The following AIFM3 variants were observed in gnomAD, a reference collection of about 807,000 sequenced individuals.
The protein encoded by AIFM3 is AIF family member 3.
In AIFM3, 71 loss-of-function variants were observed where a neutral mutation model predicts 82.7. The observed-to-expected ratio is 0.86, with a 90% CI of 0.71 to 1.05. The LOEUF is 1.05. AIFM3 is among the 50% of genes least tolerant of loss of function. The pLI is 0.00. For synonymous variants in AIFM3, 337 were observed against 329.1 expected (o/e 1.02, Z -0.26); for missense variants, 748 against 816.7 (o/e 0.92, Z 1.03).
intron 13 of AIFM3, 44 bp from the exon 14 acceptor site, chr22:20,976,988 G>T (rs1160424311): frequency 1.2e-6 from 2 of 1,614,158 alleles, no homozygotes; most frequent in East Asian, 4.5e-5. Context: ...TGTCCCCTGA[G>T]CCTGGGAGCT....
At chr22:20,965,876 A>G (rs1456716111), upstream of AIFM3, among the ~76,000 whole-genome samples, 1 of 152,114 alleles carries the variant, frequency 6.6e-6, no homozygotes, top group Non-Finnish European at 1.5e-5. Flanking sequence ...TGGGACAGAC[A>G]CAGACTCCTG....
At chr22:20,975,868 T>C (rs2147944414) in intron 9 of AIFM3, 90 bp downstream of exon 9, 8 of 1,427,058 alleles carry the variant, frequency 5.6e-6, no homozygotes, top group Non-Finnish European at 6.8e-6. Context: ...CTTGGTGCTC[T>C]ACCTTCCTGG....
intron 8 of AIFM3, 131 bp from the exon 9 acceptor site, chr22:20,975,561 C>T (rs779592757): frequency 7.8e-5 from 63 of 810,794 alleles, no homozygotes; most frequent in Admixed American, 1.2e-4. Flanking sequence ...TGAGTCACTG[C>T]GCCTGGCCAG....
Position 20,976,681 on chromosome 22 carries a change from A to C in AIFM3, c.1061A>C (p.Lys354Thr). Residue 354 changes from lysine to threonine, a missense_variant, in exon 12 of 21, where the codon AAG becomes ACG. Transcript: ENST00000440238. ...GAGGTGGCCGCTTACCTGACGGAGA[A>C]GGCCCACTCTGTGTCTGTGGTGGAG... is the stretch of plus-strand genomic sequence containing the variant. ...GMEVAAYLTE[K>T]AHSVSVVELE... 6.2e-7 allele frequency: 1 copy of C among 1,610,062 alleles called. No individual in the cohort carries two copies.
Position 20,980,982 on chromosome 22 carries a change from A to G in AIFM3, c.1779-10A>G, listed in dbSNP as rs765340577. 1 of 1,613,042 alleles carries G rather than the reference A, an allele frequency of 6.2e-7. No individual in the cohort carries two copies. The highest frequency in any genetic ancestry group is 8.5e-7 in the Non-Finnish European group (1 of 1,179,750). On this transcript the variant is annotated splice_polypyrimidine_tract_variant and intron_variant, in intron 20 of 20. Coordinates refer to ENST00000440238, the MANE Select transcript of AIFM3 (RefSeq NM_001386814.1). ...TTCTGTCTTGACCCCTCCTCCCCTC[A>G]CTCCTGCAGGACTGGCGACATGTCC...
intron 2 of AIFM3, among the ~76,000 whole-genome samples, chr22:20,970,396 C>T (rs1363367309): frequency 1.3e-5 from 2 of 152,156 alleles, no homozygotes; most frequent in Non-Finnish European, 2.9e-5. Flanking sequence ...AAGTGATCCT[C>T]CCACCTCCTG....
In AIFM3 at chr22:20,976,102, T is replaced by C. The variant is rs1923631698; in HGVS notation, c.808-113T>C. On this transcript the variant is annotated intron_variant, in intron 9 of 20. Transcript: ENST00000440238. ...GCCCAGGTGGCAGGATCTGTTTTAA[T>C]GGGAGCTTCTCAGAGGCTGTGGCTG... is the stretch of plus-strand genomic sequence containing the variant. The C allele has an allele frequency of 9.2e-6, 11 of 1,196,996 alleles. No homozygotes were observed. The Admixed American group carries it at 2.0e-4, about 22-fold the overall frequency. 74.1% of individuals were successfully genotyped at this position (1,196,996 alleles called of 1,614,324 possible). A position where few individuals can be genotyped will look rare whatever the true frequency, so the allele number is the denominator to read the frequency against.
Position 20,974,156 on chromosome 22 carries a change from G to A in AIFM3, c.449G>A (p.Ser150Asn), listed in dbSNP as rs575793889. 46 of 1,613,320 alleles carry A rather than the reference G, an allele frequency of 2.9e-5. No individual in the cohort carries two copies. In the South Asian group the frequency reaches 4.8e-4, roughly 17 times the overall value. Reference sequence around the variant, plus strand: ...CTGGAGGACTTCCCTGGCCTGGACAGTCTACACAAGTTCCAGGTGGGGCCA... The same window carrying A: ...CTGGAGGACTTCCCTGGCCTGGACAATCTACACAAGTTCCAGGTGGGGCCA... ...GDLEDFPGLD[S>N]LHKFQVKIEK... Residue 150 changes from serine (S) to asparagine (N), a missense_variant, in exon 5 of 21, where the codon AGT (serine) becomes AAT (asparagine). By Grantham distance (46) the Ser-to-Asn change is conservative. Transcript: ENST00000440238.
At position 20,977,781 on chromosome 22, in the gene AIFM3, G is replaced by A. The variant is rs1923790704; in HGVS notation, c.1359+5G>A. The stretch of plus-strand genomic sequence containing the variant: ...GGCTTCATCCCTGTCAACAAGGTGG[G>A]GTGGATGGCACTGGGTGGGGAGGAC... On this transcript the variant is annotated splice_donor_5th_base_variant and intron_variant, in intron 15 of 20. Coordinates refer to ENST00000440238, the MANE Select transcript of AIFM3 (RefSeq NM_001386814.1). 6.2e-7 allele frequency: 1 copy of A among 1,614,080 alleles called. No individual in the cohort carries two copies. The highest frequency in any genetic ancestry group is 8.5e-7 in the Non-Finnish European group (1 of 1,180,044).
chr22:20,979,854 C>T, intron 18 of AIFM3, 152 bp downstream of exon 18: 5 of 1,170,356 alleles, frequency 4.3e-6, no homozygotes, highest in South Asian at 2.9e-5. Flanking sequence ...AGCTTGTGCA[C>T]GGTCAAGCCG....
chr22:20,974,752 C>G lies in AIFM3; in HGVS notation c.656C>G (p.Ser219Cys). ...GAGACACTGCGGCAGGAGGGCTTCT[C>G]CGACCGGATCGTCCTGTGCACGCTA... is the stretch of plus-strand genomic sequence containing the variant. ...CAETLRQEGF[S>C]DRIVLCTLDR... is the part of the protein sequence containing the mutation. Residue 219 changes from serine to cysteine, a missense_variant, in exon 8 of 21, where the codon TCC becomes TGC. By Grantham distance (112) the Ser-to-Cys change is moderately radical. Transcript: ENST00000440238. The G allele has an allele frequency of 6.2e-7, 1 of 1,613,782 alleles. No homozygotes were observed. Among genetic ancestry groups the G allele is most frequent in the Non-Finnish European group, 8.5e-7 (1 of 1,179,962 alleles).
intron 9 of AIFM3, among the ~76,000 whole-genome samples, 156 bp from the exon 10 acceptor site, chr22:20,976,059 T>G (rs1923627101): frequency 6.6e-6 from 1 of 152,246 alleles, no homozygotes; most frequent in Non-Finnish European, 1.5e-5. Flanking sequence ...AGGTGATGTC[T>G]GAAGCGTAAA....
At chr22:20,970,741 A>AT (rs1923217859) in intron 2 of AIFM3, among the ~76,000 whole-genome samples, 1 of 152,194 alleles carries the variant, frequency 6.6e-6, no homozygotes. Flanking sequence ...GATTACAGGC[A>AT]TGAGCCATCA....
At chr22:20,979,419 G>T in intron 17 of AIFM3, 50 bp downstream of exon 17, 1 of 1,517,010 alleles carries the variant, frequency 6.6e-7, no homozygotes, top group African/African-American at 1.4e-5. Context: ...TTTAGGGGCG[G>T]GGCTTGGGTG....
chr22:20,975,695 C>G lies in AIFM3; in HGVS notation c.724C>G (p.Leu242Val). ...PYDRPKLSKS[L>V]DTQPEQLALR... ...TCAAGCTGGCTCTCCCCTGCAGTCC[C>G]TGGACACACAGCCTGAGCAGCTGGC... The change falls in exon 9 of 21, where the codon CTG (leucine) becomes GTG (valine). Residue 242 changes from leucine (L) to valine (V), a missense_variant. Leu to Val is a conservative substitution (Grantham distance 32). This residue lies in a region of AIFM3 where 393 missense variants were observed against 481.1 expected (regional missense o/e 0.82). Coordinates refer to ENST00000440238, the MANE Select transcript of AIFM3 (RefSeq NM_001386814.1). The G allele has an allele frequency of 6.2e-7, 1 of 1,613,750 alleles. No individual in the cohort carries two copies. Among genetic ancestry groups the G allele is most frequent in the South Asian group, 1.1e-5 (1 of 91,086 alleles).
rs775285677 is a variant in AIFM3 at position 20,976,752 on chromosome 22, C to T, written c.1132C>T (p.Arg378Cys). 1.4e-5 allele frequency: 23 copies of T among 1,611,520 alleles called. No individual in the cohort carries two copies. The highest frequency in any genetic ancestry group is 7.7e-5 in the South Asian group (7 of 90,780). ...GAGGTTCCTGGGGGAGCGCGTGGGT[C>T]GTGCCCTCATGAAGGTGAGCCCACC... ...FRRFLGERVG[R>C]ALMKMFENNR... Residue 378 changes from arginine (R) to cysteine (C), a missense_variant, in exon 12 of 21, where the codon CGT becomes TGT. Physicochemically the swap from Arg to Cys is radical, Grantham distance 180. Transcript: ENST00000440238.
chr22:20,973,489 G>C lies in AIFM3; in HGVS notation c.214G>C (p.Val72Leu), dbSNP rs750202523. 3.7e-6 allele frequency: 6 copies of C among 1,612,798 alleles called. No individual in the cohort carries two copies. Among genetic ancestry groups the C allele is most frequent in the South Asian group, 1.1e-5 (1 of 91,070 alleles). Residue 72 changes from valine (V) to leucine (L), a missense_variant, in exon 3 of 21, where the codon GTC (valine) becomes CTC (leucine). Val to Leu is a conservative substitution (Grantham distance 32). Around this residue, in one of 5 missense-constraint regions of AIFM3, gnomAD observed 148 missense variants for 134.1 expected, o/e 1.10. Coordinates refer to ENST00000440238, the MANE Select transcript of AIFM3 (RefSeq NM_001386814.1). ...PSPQDCVEAA[V>L]CHVKDLENGQ... ...CCCTCAGGATTGCGTGGAGGCTGCT[G>C]TCTGCCACGTCAAGGACCTCGAGAA...
intron 2 of AIFM3, among the ~76,000 whole-genome samples, chr22:20,971,952 C>A (rs1403146527): frequency 6.9e-6 from 1 of 144,168 alleles, no homozygotes; most frequent in Non-Finnish European, 1.5e-5. Flanking sequence ...GGAAGTGGCT[C>A]TGTATGGAGG....
rs968679291 is a variant in AIFM3 at position 20,976,481 on chromosome 22, C to T, written c.973C>T (p.Arg325Cys). ...FTIRTPEDANRVVRLARGRNV... is the reference protein window; with the variant it reads ...FTIRTPEDANCVVRLARGRNV... ...TATCCGGACGCCAGAGGATGCCAAT[C>T]GCGTGGTGAGGCTGGCCCGAGGCCG... Residue 325 changes from arginine to cysteine, a missense_variant, in exon 11 of 21, where the codon CGC becomes TGC. This residue lies in a region of AIFM3 where 393 missense variants were observed against 481.1 expected (regional missense o/e 0.82). Transcript: ENST00000440238. The T allele has an allele frequency of 2.5e-6, 4 of 1,613,994 alleles. No individual in the cohort carries two copies. The highest frequency in any genetic ancestry group is 3.4e-6 in the Non-Finnish European group (4 of 1,180,026).
Sources: gnomAD v4.1 joint callset for allele counts (sites outside exome capture counted in the v4.1 genomes callset) on GRCh38, gnomAD v4.1.1 for gene constraint, gnomAD v4.1.1 regional missense constraint, MANE v1.5 for transcripts, NCBI Gene and HGNC (gene_info 2026-07-23, HGNC 2026-07-21) for gene names.